The following HYDIN variants were observed in gnomAD, a reference collection of about 807,000 sequenced individuals.
HYDIN encodes the protein axonemal central pair apparatus protein HYDIN.
Under a neutral mutation model 403.9 loss-of-function variants are expected in HYDIN, and 132 were observed. The ratio of observed to expected loss-of-function variants is 0.33; its 90% CI spans 0.28 to 0.38. The LOEUF is 0.38. Ranked by LOEUF, HYDIN falls within the 10% of genes least tolerant of loss-of-function variation. HYDIN has a pLI of 1.00. For synonymous variants in HYDIN, 1,202 were observed against 1,891.7 expected (o/e 0.64, Z 9.46); for missense variants, 2,827 against 5,009.5 (o/e 0.56, Z 13.15).
intron 5 of HYDIN, among the ~76,000 whole-genome samples, chr16:71,168,651 G>A (rs2144621793): frequency 6.6e-6 from 1 of 152,198 alleles, no homozygotes; most frequent in East Asian, 1.9e-4. Context: ...CATCCTCGAT[G>A]TCACCCTGTG....
intron 1 of HYDIN, among the ~76,000 whole-genome samples, chr16:71,197,138 T>C (rs555562580): frequency 6.6e-6 from 1 of 152,312 alleles, no homozygotes; most frequent in South Asian, 2.1e-4. Context: ...TCAGCCTCCA[T>C]AATCCCACAA....
chr16:70,837,470 G>T (rs929547458), intron 77 of HYDIN, among the ~76,000 whole-genome samples: 5 of 152,098 alleles, frequency 3.3e-5, no homozygotes, highest in African/African-American at 1.2e-4. Flanking sequence ...GTAAAGTTTG[G>T]TATTGAATAA....
chr16:71,126,823 C>A lies in HYDIN; in HGVS notation c.1227+2817G>T, dbSNP rs202019632. Among the ~76,000 whole-genome samples the A allele has an allele frequency of 2.0e-5, 3 of 152,162 alleles. No homozygotes were observed. The South Asian group carries it at 6.2e-4, about 32-fold the overall frequency. On this transcript the variant is annotated intron_variant, in intron 9 of 85. Coordinates refer to ENST00000393567, the MANE Select transcript of HYDIN (RefSeq NM_001270974.2). ...CCTTCCTCCAATCTTCAGTTCAGAT[C>A]GCATTTCTTCTAAAAATCCTTTCCC...
intron 1 of HYDIN, among the ~76,000 whole-genome samples, chr16:71,188,700 C>G (rs988903311): frequency 6.6e-6 from 1 of 152,058 alleles, no homozygotes; most frequent in Non-Finnish European, 1.5e-5. Context: ...TTAGTAAGAC[C>G]TGTTAGGTGG....
intron 10 of HYDIN, among the ~76,000 whole-genome samples, chr16:71,110,273 A>G (rs2083762333): frequency 6.9e-6 from 1 of 145,440 alleles, no homozygotes; most frequent in South Asian, 2.1e-4. Context: ...ATTATGATAT[A>G]CATAATATAT....
At chr16:70,810,158 GC>G in intron 84 of HYDIN, 151 bp from the exon 85 acceptor site, 1 of 694,084 alleles carries the variant, frequency 1.4e-6, no homozygotes, top group East Asian at 2.5e-5. Context: ...GTCCAAACCA[GC>G]CCACCCTCTC....
chr16:71,047,375 T>C (rs1323114829), intron 18 of HYDIN, among the ~76,000 whole-genome samples: 1 of 151,784 alleles, frequency 6.6e-6, no homozygotes, highest in Non-Finnish European at 1.5e-5. Context: ...CAATATAAAC[T>C]GCTGGAATCT....
chr16:70,877,487 A>T (rs1293968914), intron 62 of HYDIN, among the ~76,000 whole-genome samples: 14 of 152,232 alleles, frequency 9.2e-5, no homozygotes, highest in Non-Finnish European at 1.3e-4. Flanking sequence ...CCTTTTTGGC[A>T]CCAGGAACTG....
intron 13 of HYDIN, among the ~76,000 whole-genome samples, chr16:71,077,477 T>A (rs74025797): frequency 0.019 from 2,908 of 152,272 alleles, 81 homozygotes; most frequent in African/African-American, 0.066. Context: ...TAAACTCTTA[T>A]TAGTTCTAAT....
At chr16:71,228,336 C>T (rs1237694912) in intron 1 of HYDIN, among the ~76,000 whole-genome samples, 2 of 152,182 alleles carry the variant, frequency 1.3e-5, no homozygotes, top group African/African-American at 2.4e-5. Context: ...TAAAGAGCTT[C>T]TGCACAGCAA....
intron 45 of HYDIN, among the ~76,000 whole-genome samples, chr16:70,925,430 C>A (rs1410626735): frequency 1.3e-5 from 2 of 152,334 alleles, no homozygotes; most frequent in African/African-American, 4.8e-5. Flanking sequence ...CAACTGGATC[C>A]CTTCCTTACA....
At chr16:70,834,664 A>C (rs1452205995) in intron 78 of HYDIN, among the ~76,000 whole-genome samples, 1 of 152,094 alleles carries the variant, frequency 6.6e-6, no homozygotes. Flanking sequence ...CCTGGCCAAC[A>C]TGGCGAAACC....
rs919479627 is a variant in HYDIN, at chr16:70,991,366, A to C, written c.3816T>G (p.Pro1272=). The C allele has an allele frequency of 1.9e-6, 3 of 1,614,004 alleles. No homozygotes were observed. The highest frequency in any genetic ancestry group is 2.5e-6 in the Non-Finnish European group (3 of 1,179,944). ...TCGTTTTTCTTAGTTCTTTTTCTTC[A>C]GGCCTGGCATCTTCATCCACAAGGA... ...KTVLVDEDAR[P]EEKELRKTKA... The change falls in exon 25 of 86, where the codon CCT becomes CCG. Residue 1272 remains proline (P), a synonymous_variant. Coordinates refer to ENST00000393567, the MANE Select transcript of HYDIN (RefSeq NM_001270974.2).
intron 1 of HYDIN, 61 bp downstream of exon 1, chr16:71,230,501 C>G (rs2041234152): frequency 1.4e-6 from 2 of 1,461,788 alleles, no homozygotes; most frequent in African/African-American, 2.8e-5. Flanking sequence ...AGAGGGGACG[C>G]CCCGGTTAGC....
In HYDIN at chr16:70,850,517, C is replaced by T; in HGVS notation, c.12582G>A (p.Lys4194=). 1.2e-6 allele frequency: 2 copies of T among 1,608,222 alleles called. No homozygotes were observed. The highest frequency in any genetic ancestry group is 2.2e-5 in the South Asian group (2 of 90,392). The change falls in exon 74 of 86, where the codon AAG becomes AAA. Residue 4194 remains lysine, a synonymous_variant. Coordinates refer to ENST00000393567, the MANE Select transcript of HYDIN (RefSeq NM_001270974.2). ...TGATGGAGCCTGTCCTGTCCTTGCA[C>T]TTGATCTCCACATTCATAGTGTAGC... ...AEGYTMNVEI[K]CKDRTGSITL... is the part of the protein sequence containing the mutation.
intron 10 of HYDIN, among the ~76,000 whole-genome samples, chr16:71,103,947 A>G (rs1448933851): frequency 1.3e-5 from 2 of 152,194 alleles, no homozygotes; most frequent in African/African-American, 2.4e-5. Flanking sequence ...AATTTCTCTC[A>G]TTAATCTTTC....
chr16:70,994,044 A>C (rs2079445496), intron 23 of HYDIN, among the ~76,000 whole-genome samples: 1 of 152,090 alleles, frequency 6.6e-6, no homozygotes, highest in Non-Finnish European at 1.5e-5. Flanking sequence ...CAATGGAAAA[A>C]AATCAATGTA....
intron 28 of HYDIN, 158 bp downstream of exon 28, chr16:70,985,027 G>A (rs2079147166): frequency 1.6e-6 from 1 of 624,368 alleles, no homozygotes; most frequent in Non-Finnish European, 2.7e-6. Flanking sequence ...TAATAAATGA[G>A]CGAAGTGGCT....
intron 38 of HYDIN, among the ~76,000 whole-genome samples, chr16:70,961,189 T>C (rs998950799): frequency 6.6e-5 from 10 of 152,110 alleles, no homozygotes; most frequent in African/African-American, 2.2e-4. Flanking sequence ...TCAGGGTGTA[T>C]GGGGTGGGGA....
Sources: allele counts gnomAD v4.1 joint callset (sites outside exome capture counted in the v4.1 genomes callset), GRCh38; gene constraint gnomAD v4.1.1; transcripts MANE v1.5; gene names NCBI Gene and HGNC (gene_info 2026-07-23, HGNC 2026-07-21).